BOD1L1: variants seen among roughly 807,000 people sequenced by gnomAD.
BOD1L1 encodes the protein biorientation of chromosomes in cell division 1 like 1.
A neutral mutation model predicts 240.7 loss-of-function variants in BOD1L1; 86 were observed. The ratio of observed to expected loss-of-function variants is 0.36; its 90% CI spans 0.30 to 0.43. The LOEUF (loss-of-function observed/expected upper bound fraction) is 0.43, where lower values mean the gene tolerates loss of function less well. BOD1L1 is among the 20% of genes least tolerant of loss of function. BOD1L1 has a pLI of 1.00. For synonymous variants in BOD1L1, 1,268 were observed against 1,272.3 expected, an observed-to-expected ratio of 1.00 and a Z score of 0.07; for missense variants, 3,554 against 3,643.5, an observed-to-expected ratio of 0.98 and a Z score of 0.63.
In BOD1L1 at chr4:13,613,788, G is replaced by C; in HGVS notation, c.1175-127C>G. ...ACGTGTCAAACTATCAAACAAGGCA[G>C]AGTGGTTTCCAGAAAATACAAAGGC... On this transcript the variant is annotated intron_variant, in intron 4 of 25. Transcript: ENST00000040738. The surrounding 1 kb of genome is among the most constrained non-coding windows in gnomAD (Gnocchi z 4.0). The C allele has an allele frequency of 1.5e-6, 1 of 668,652 alleles. No homozygotes were observed. Among genetic ancestry groups the C allele is most frequent in the East Asian group, 3.2e-5 (1 of 31,484 alleles). 41.4% of individuals were successfully genotyped at this position (668,652 alleles called of 1,614,324 possible).
chr4:13,582,166 G>C, intron 19 of BOD1L1, 71 bp downstream of exon 19: 2 of 1,291,626 alleles, frequency 1.5e-6, no homozygotes, highest in Middle Eastern at 3.8e-4. Context: ...CAAGATAACA[G>C]TATTTAATGA....
chr4:13,601,239 T>G lies in BOD1L1; in HGVS notation c.5661A>C (p.Thr1887=). The change falls in exon 10 of 26, where the codon ACA becomes ACC. Residue 1887 remains threonine (T), a synonymous_variant. Transcript: ENST00000040738. The part of the protein sequence containing the change: ...GNEIGHASTC[T]GLGEESEGVL... ...CCCCTTCACTTTCTTCTCCTAACCC[T>G]GTACAAGTTGAAGCATGCCCAATTT... The G allele has an allele frequency of 6.2e-7, 1 of 1,614,012 alleles. No individual in the cohort carries two copies. Among genetic ancestry groups the G allele is most frequent in the East Asian group, 2.2e-5 (1 of 44,874 alleles).
chr4:13,616,747 C>T (rs1005690065), intron 2 of BOD1L1, among the ~76,000 whole-genome samples: 1 of 152,040 alleles, frequency 6.6e-6, no homozygotes, highest in East Asian at 1.9e-4. Flanking sequence ...CACCTTGTCG[C>T]CTTGTGAAAC....
intron 1 of BOD1L1, chr4:13,624,397 G>A (rs576332733): frequency 6.6e-6 from 1 of 152,168 alleles, no homozygotes; most frequent in African/African-American, 2.4e-5. Context: ...CAACTGTATT[G>A]AAAAATGTGT....
intron 9 of BOD1L1, 89 bp from the exon 10 acceptor site, chr4:13,605,173 G>C: frequency 1.8e-6 from 2 of 1,138,164 alleles, no homozygotes; most frequent in Non-Finnish European, 2.4e-6. Context: ...AATATGTTGA[G>C]TGCTGTCACA....
At chr4:13,574,282 A>G (rs1438122080) in intron 25 of BOD1L1, among the ~76,000 whole-genome samples, 1 of 152,128 alleles carries the variant, frequency 6.6e-6, no homozygotes, top group Non-Finnish European at 1.5e-5. Context: ...CTGACTGGCT[A>G]TTGGTACTAC....
In BOD1L1 at chr4:13,603,506, A is replaced by C; in HGVS notation, c.3394T>G (p.Phe1132Val). 6.2e-7 allele frequency: 1 copy of C among 1,613,986 alleles called. No individual in the cohort carries two copies. Among genetic ancestry groups the C allele is most frequent in the Non-Finnish European group, 8.5e-7 (1 of 1,179,886 alleles). The change falls in exon 10 of 26, where the codon TTT (phenylalanine) becomes GTT (valine). Residue 1132 changes from phenylalanine (F) to valine (V), a missense_variant. This residue lies in a region of BOD1L1 where 3,393 missense variants were observed against 3,427.1 expected (regional missense o/e 0.99). Coordinates refer to ENST00000040738, the MANE Select transcript of BOD1L1 (RefSeq NM_148894.3). The part of the protein sequence containing the change: ...IDSEPGVENV[F>V]EVSKTQDNRN... Reference sequence around the variant, plus strand: ...TTGTCTTGGGTTTTAGATACTTCAAACACATTTTCAACACCTGGCTCAGAA... The same window carrying C: ...TTGTCTTGGGTTTTAGATACTTCAACCACATTTTCAACACCTGGCTCAGAA...
chr4:13,607,098 A>C lies in BOD1L1; in HGVS notation c.1815+19T>G. ...ATCTAACAAAACAGCATTTGAAATG[A>C]GGTTTTATTAAGGCATACCTCACTT... On this transcript the variant is annotated intron_variant, in intron 9 of 25. Coordinates refer to ENST00000040738, the MANE Select transcript of BOD1L1 (RefSeq NM_148894.3). 6.8e-7 allele frequency: 1 copy of C among 1,475,078 alleles called. No individual in the cohort carries two copies. Among genetic ancestry groups the C allele is most frequent in the Non-Finnish European group, 9.2e-7 (1 of 1,086,942 alleles). 91.4% of individuals were successfully genotyped at this position (1,475,078 alleles called of 1,614,324 possible). A position where few individuals can be genotyped will look rare whatever the true frequency, so the allele number is the denominator to read the frequency against.
intron 12 of BOD1L1, chr4:13,592,557 A>C (rs1714299332): frequency 6.6e-6 from 1 of 152,242 alleles, no homozygotes; most frequent in African/African-American, 2.4e-5. Flanking sequence ...TTCAGAATCC[A>C]AAAATGTTAG....
At chr4:13,597,076 T>G (rs1714679466) in intron 11 of BOD1L1, 28 bp downstream of exon 11, 1 of 1,549,552 alleles carries the variant, frequency 6.5e-7, no homozygotes, top group Non-Finnish European at 8.8e-7. Context: ...TCACTTACAG[T>G]TCAGCACAGC....
rs1233200621 is a variant in BOD1L1, at chr4:13,599,841, A to G, written c.7059T>C (p.Thr2353=). The G allele has an allele frequency of 6.2e-7, 1 of 1,613,886 alleles. No individual in the cohort carries two copies. The highest frequency in any genetic ancestry group is 1.3e-5 in the African/African-American group (1 of 74,914). The change falls in exon 10 of 26, where the codon ACT becomes ACC. Residue 2353 remains threonine, a synonymous_variant. Coordinates refer to ENST00000040738, the MANE Select transcript of BOD1L1 (RefSeq NM_148894.3). The part of the protein sequence containing the change: ...SIDRHEENQL[T]ADNPEGNGDL... The stretch of plus-strand genomic sequence containing the variant: ...CACCGTTCCCTTCTGGGTTGTCTGC[A>G]GTCAGCTGATTCTCTTCATGTCTGT...
In BOD1L1 at chr4:13,573,470, A is replaced by ATCTATCTATCTATCTATCTATCTTTCTT. The variant is rs71169517; in HGVS notation, c.9039-3343_9039-3342insAAGAAAGATAGATAGATAGATAGATAGA. Among the ~76,000 whole-genome samples, 1,078 of 122,646 alleles carry ATCTATCTATCTATCTATCTATCTTTCTT rather than the reference A, an allele frequency of 8.8e-3. 7 individuals carry two copies. Among genetic ancestry groups the ATCTATCTATCTATCTATCTATCTTTCTT allele is most frequent in the Middle Eastern group, 0.038 (8 of 208 alleles). 80.5% of individuals were successfully genotyped at this position (122,646 alleles called of 152,430 possible). A position where few individuals can be genotyped will look rare whatever the true frequency, so the allele number is the denominator to read the frequency against. ...TATCTATCTATCTATCTATCTATCT[A>ATCTATCTATCTATCTATCTATCTTTCTT]TCTTTCTTTCTTTCTTTCTTTCTTT... On this transcript the variant is annotated intron_variant, in intron 25 of 25. Transcript: ENST00000040738.
In BOD1L1 at chr4:13,604,097, G is replaced by C. The variant is rs943310647; in HGVS notation, c.2803C>G (p.Gln935Glu). 6.2e-7 allele frequency: 1 copy of C among 1,613,690 alleles called. No individual in the cohort carries two copies. The highest frequency in any genetic ancestry group is 8.5e-7 in the Non-Finnish European group (1 of 1,179,842). Residue 935 changes from glutamine to glutamate, a missense_variant, in exon 10 of 26, where the codon CAG becomes GAG. Around this residue, in one of 2 missense-constraint regions of BOD1L1, gnomAD observed 3,393 missense variants for 3,427.1 expected, o/e 0.99. Transcript: ENST00000040738. ...ETELQEGATKQATTPKPDKEK... is the reference protein window; with the variant it reads ...ETELQEGATKEATTPKPDKEK... ...TTGTCTGGTTTTGGAGTGGTTGCCT[G>C]TTTTGTGGCACCTTCTTGTAATTCT...
Position 13,569,964 on chromosome 4 carries a change from C to A in BOD1L1, c.*47G>T. ...TATGGCCACCAAGGCATGTCTCTTT[C>A]CTCTCCACCGTGTTCCTCCATAAGC... On this transcript the variant is annotated 3_prime_UTR_variant, in exon 26 of 26. Coordinates refer to ENST00000040738, the MANE Select transcript of BOD1L1 (RefSeq NM_148894.3). 7.2e-7 allele frequency: 1 copy of A among 1,380,138 alleles called. No individual in the cohort carries two copies. The highest frequency in any genetic ancestry group is 9.6e-7 in the Non-Finnish European group (1 of 1,037,986). 85.5% of individuals were successfully genotyped at this position (1,380,138 alleles called of 1,614,324 possible).
chr4:13,603,767 C>T lies in BOD1L1; in HGVS notation c.3133G>A (p.Gly1045Ser). The T allele has an allele frequency of 6.2e-7, 1 of 1,613,532 alleles. No homozygotes were observed. The highest frequency in any genetic ancestry group is 8.5e-7 in the Non-Finnish European group (1 of 1,179,812). ...TCATGACTACTGTCAACTTCTTTAC[C>T]ATCCTTGTCATCTGATTTATTTTCG... ...KDENKSDDKD[G>S]KEVDSSHEKA... Residue 1045 changes from glycine (G) to serine (S), a missense_variant, in exon 10 of 26, where the codon GGT (glycine) becomes AGT (serine). Coordinates refer to ENST00000040738, the MANE Select transcript of BOD1L1 (RefSeq NM_148894.3).
At chr4:13,608,805 TATA>T (rs1715934145) in intron 7 of BOD1L1, 137 bp from the exon 8 acceptor site, 1 of 654,962 alleles carries the variant, frequency 1.5e-6, no homozygotes, top group African/African-American at 1.9e-5. Context: ...CTGGAATAGA[TATA>T]ATATTTTGGA....
chr4:13,594,796 G>A (rs993535841), intron 12 of BOD1L1, among the ~76,000 whole-genome samples: 1 of 152,210 alleles, frequency 6.6e-6, no homozygotes, highest in African/African-American at 2.4e-5. Flanking sequence ...TCAGGAAGCT[G>A]AGGCAGGAGG....
Position 13,610,989 on chromosome 4 carries a change from T to A in BOD1L1, c.1436A>T (p.Lys479Ile), listed in dbSNP as rs763358042. 1 of 1,612,916 alleles carries A rather than the reference T, an allele frequency of 6.2e-7. No homozygotes were observed. The highest frequency in any genetic ancestry group is 8.5e-7 in the Non-Finnish European group (1 of 1,179,348). Residue 479 changes from lysine to isoleucine, a missense_variant, in exon 6 of 26, where the codon AAA becomes ATA. Lys to Ile is a moderately radical substitution (Grantham distance 102). Coordinates refer to ENST00000040738, the MANE Select transcript of BOD1L1 (RefSeq NM_148894.3). ...AYVHKPYLYS[K>I]YYSDSDDELT... ...CTCATCATCAGAATCACTATAGTAT[T>A]TTGAGTAAAGATATGGTTTGTGGAC...
At chr4:13,584,824 T>C (rs2108900962) in intron 17 of BOD1L1, among the ~76,000 whole-genome samples, 1 of 152,298 alleles carries the variant, frequency 6.6e-6, no homozygotes, top group Admixed American at 6.5e-5. Flanking sequence ...TTTTATAAAA[T>C]GGCACATATT....
Sources: gnomAD v4.1 joint callset for allele counts (sites outside exome capture counted in the v4.1 genomes callset) on GRCh38, gnomAD v4.1.1 for gene constraint, gnomAD v4.1.1 regional missense constraint, Gnocchi (gnomAD v3.1) non-coding constraint, MANE v1.5 for transcripts, NCBI Gene and HGNC (gene_info 2026-07-23, HGNC 2026-07-21) for gene names.